ZNF213: variants seen among roughly 807,000 people sequenced by gnomAD.
ZNF213 encodes zinc finger protein 213, also known as putative transcription factor CR53.
A neutral mutation model predicts 46.0 loss-of-function variants in ZNF213; 32 were observed. The observed-to-expected ratio is 0.70, with a 90% CI of 0.52 to 0.93. The LOEUF is 0.93. Among genes scored for constraint, ZNF213 ranks in the 40% least tolerant of loss-of-function variants. The pLI is 0.00. For synonymous variants in ZNF213, 297 were observed against 271.0 expected (o/e 1.10, Z -0.94); for missense variants, 639 against 652.8 (o/e 0.98, Z 0.23).
chr16:3,139,286 C>T (rs924546905), intron 5 of ZNF213, 188 bp downstream of exon 5: 11 of 832,080 alleles, frequency 1.3e-5, no homozygotes, highest in African/African-American at 1.7e-5. Flanking sequence ...CATGGGACGG[C>T]GCCGGCGCTG....
rs1199335568 is a variant in ZNF213 at position 3,138,730 on chromosome 16, A to G, written c.524-15A>G. On this transcript the variant is annotated splice_polypyrimidine_tract_variant and intron_variant, in intron 3 of 5. Transcript: ENST00000396878. Reference sequence around the variant, plus strand: ...CCTGGGCTGGCCTTTCTAAGGCTCCATTCTTCTCCTTCAGCCCAGCCTCCT... The same window carrying G: ...CCTGGGCTGGCCTTTCTAAGGCTCCGTTCTTCTCCTTCAGCCCAGCCTCCT... The G allele has an allele frequency of 1.2e-6, 2 of 1,614,028 alleles. No individual in the cohort carries two copies. The highest frequency in any genetic ancestry group is 1.7e-5 in the Admixed American group (1 of 60,018).
intron 2 of ZNF213, 100 bp downstream of exon 2, chr16:3,137,779 GGGGAGACACAGAGCCCCCA>G: frequency 6.9e-7 from 1 of 1,440,536 alleles, no homozygotes; most frequent in Non-Finnish European, 9.3e-7. Flanking sequence ...TCACAGGGTA[GGGGAGACACAGAGCCCCCA>G]GGAGCAGGCA....
In ZNF213 at chr16:3,137,475, G is replaced by A; in HGVS notation, c.195G>A (p.Gln65=). 1.9e-6 allele frequency: 3 copies of A among 1,613,940 alleles called. No homozygotes were observed. The highest frequency in any genetic ancestry group is 2.5e-6 in the Non-Finnish European group (3 of 1,180,048). Reference sequence around the variant, plus strand: ...ATGGGCCTCATGAGGCCTTCAGCCAGCTCTGGGAGCTCTGCTGCCGCTGGC... The same window carrying A: ...ATGGGCCTCATGAGGCCTTCAGCCAACTCTGGGAGCTCTGCTGCCGCTGGC... The part of the protein sequence containing the change: ...DVHGPHEAFS[Q]LWELCCRWLR... The change falls in exon 2 of 6, where the codon CAG becomes CAA. Residue 65 remains glutamine (Q), a synonymous_variant. Coordinates refer to ENST00000396878, the MANE Select transcript of ZNF213 (RefSeq NM_004220.3).
rs777035817 is a variant in ZNF213 at position 3,137,619 on chromosome 16, T to G, written c.339T>G (p.Gly113=). 2 of 1,613,560 alleles carry G rather than the reference T, an allele frequency of 1.2e-6. No homozygotes were observed. The highest frequency in any genetic ancestry group is 1.7e-6 in the Non-Finnish European group (2 of 1,179,890). Residue 113 remains glycine, a synonymous_variant, in exon 2 of 6, where the codon GGT becomes GGG. Transcript: ENST00000396878. ...GWVREQHPGS[G]EEAVALVEDL... ...TGCGTGAGCAGCACCCGGGAAGCGG[T>G]GAGGAGGCTGTCGCCTTGGTGGAGG...
chr16:3,136,071 T>C (rs963253929), intron 1 of ZNF213, among the ~76,000 whole-genome samples: 2 of 152,072 alleles, frequency 1.3e-5, no homozygotes, highest in African/African-American at 4.8e-5. Flanking sequence ...CCTCAAGCAA[T>C]CATCCTGTGT....
At position 3,138,980 on chromosome 16, in the gene ZNF213, T is replaced by C; in HGVS notation, c.603T>C (p.Pro201=). ...GTCTTCTCACCCCATTCCAGGGACC[T>C]GTGGCATTGGGAGACATCCCATTCT... ...DTCFVSGVHG[P]VALGDIPFYF... is the part of the protein sequence containing the mutation. The change falls in exon 5 of 6, where the codon CCT becomes CCC. Residue 201 remains proline, a synonymous_variant. Transcript: ENST00000396878. The C allele has an allele frequency of 6.2e-7, 1 of 1,614,204 alleles. No individual in the cohort carries two copies. The highest frequency in any genetic ancestry group is 8.5e-7 in the Non-Finnish European group (1 of 1,180,016).
At chr16:3,135,930 C>T (rs1957531740) in intron 1 of ZNF213, among the ~76,000 whole-genome samples, 1 of 151,294 alleles carries the variant, frequency 6.6e-6, no homozygotes. Context: ...CCTCAAACTC[C>T]TGGACTCAAG....
intron 2 of ZNF213, 49 bp downstream of exon 2, chr16:3,137,728 G>C: frequency 6.3e-7 from 1 of 1,584,812 alleles, no homozygotes; most frequent in Non-Finnish European, 8.6e-7. Flanking sequence ...ATCTGAGCTC[G>C]AGAGAAGTGG....
chr16:3,138,707 T>G, intron 3 of ZNF213, 38 bp from the exon 4 acceptor site: 1 of 1,613,530 alleles, frequency 6.2e-7, no homozygotes, highest in Non-Finnish European at 8.5e-7. Flanking sequence ...GTGTCAAGCC[T>G]GGGCTGGCCT....
Position 3,139,082 on chromosome 16 carries a change from C to A in ZNF213, c.705C>A (p.Ser235=). Residue 235 remains serine (S), a synonymous_variant, in exon 5 of 6, where the codon TCC becomes TCA. Coordinates refer to ENST00000396878, the MANE Select transcript of ZNF213 (RefSeq NM_004220.3). ...DLFWDIKREN[S]RNTTLGFGLK... is the part of the protein sequence containing the mutation. ...TCTGGGACATAAAGCGGGAGAACTCCCGGAACACCACCCTGGGTAAGCACC... is the reference window on the plus strand; with the variant it reads ...TCTGGGACATAAAGCGGGAGAACTCACGGAACACCACCCTGGGTAAGCACC... The A allele has an allele frequency of 6.2e-7, 1 of 1,613,896 alleles. No individual in the cohort carries two copies. The highest frequency in any genetic ancestry group is 8.5e-7 in the Non-Finnish European group (1 of 1,179,984).
chr16:3,139,140 A>C (rs774953145), intron 5 of ZNF213, 42 bp downstream of exon 5: 1 of 1,603,344 alleles, frequency 6.2e-7, no homozygotes, highest in South Asian at 1.1e-5. Flanking sequence ...GCCGCCCCCG[A>C]TTCTGCTGGA....
chr16:3,138,462 ATCCCAGGCCACGGGGCC>A lies in ZNF213; in HGVS notation c.449_465del (p.Gln150ProfsTer19). 6.2e-7 allele frequency: 1 copy of A among 1,613,070 alleles called. No individual in the cohort carries two copies. The highest frequency in any genetic ancestry group is 8.5e-7 in the Non-Finnish European group (1 of 1,179,590). ...CGGAACCCGAGGCTGCAGGCCGGGG[ATCCCAGGCCACGGGGCC>A]TCCCCCGACGGTGGGGGCACGGAGG... On this transcript the variant is annotated frameshift_variant, in exon 3 of 6. Transcript: ENST00000396878. LOFTEE classifies it high-confidence loss of function.
rs1957548856 is a variant in ZNF213, at chr16:3,137,208, C to T, written c.-73C>T. ...CCAGCCCAGCTACCACAGGGGATCC[C>T]TCTGGGAGACTGAAAGTACAGGTTC... On this transcript the variant is annotated 5_prime_UTR_variant, in exon 2 of 6. Transcript: ENST00000396878. 6.6e-7 allele frequency: 1 copy of T among 1,514,038 alleles called. No homozygotes were observed. The allele number at this position is 1,514,038 out of a possible 1,614,324, so 93.8% of individuals were successfully genotyped here. A position where few individuals can be genotyped will look rare whatever the true frequency, so the allele number is the denominator to read the frequency against.
At chr16:3,138,269 C>T (rs1567185102) in intron 2 of ZNF213, 149 bp from the exon 3 acceptor site, 2 of 1,447,468 alleles carry the variant, frequency 1.4e-6, no homozygotes, top group Middle Eastern at 2.5e-4. Context: ...ATCACATTCT[C>T]CTCCGGACTT....
rs1957518383 is a variant in ZNF213, at chr16:3,135,081, A to T, written c.-422A>T. On this transcript the variant is annotated 5_prime_UTR_variant, in exon 1 of 6. Transcript: ENST00000396878. ...GCGGAAGTGGGATCTCCTGGGCCGT[A>T]GTGGGCGTTGTGTGTTTCGGGGGCG... 2 of 81,824 alleles carry T rather than the reference A, an allele frequency of 2.4e-5. No individual in the cohort carries two copies. Among genetic ancestry groups the T allele is most frequent in the African/African-American group, 5.0e-5 (1 of 20,054 alleles). 5.1% of individuals were successfully genotyped at this position (81,824 alleles called of 1,614,324 possible).
chr16:3,137,976 T>G (rs1596306466), intron 2 of ZNF213: 1 of 502,688 alleles, frequency 2.0e-6, no homozygotes. Flanking sequence ...CATTTTGCTC[T>G]AGGCCTGGCT....
chr16:3,135,281 ACGCCCCTGTACGATCGCCGCT>A lies in ZNF213; in HGVS notation c.-215_-195del, dbSNP rs1957521960. 1 of 152,226 alleles carries A rather than the reference ACGCCCCTGTACGATCGCCGCT, an allele frequency of 6.6e-6. No homozygotes were observed. Among genetic ancestry groups the A allele is most frequent in the African/African-American group, 2.4e-5 (1 of 41,400 alleles). 9.4% of individuals were successfully genotyped at this position (152,226 alleles called of 1,614,324 possible). ...CTCTGCCAGCTTGGTCCCCCGGCAG[ACGCCCCTGTACGATCGCCGCT>A]CGCCCCGCGGGCGAGGCTGCGGTGG... On this transcript the variant is annotated 5_prime_UTR_variant, in exon 1 of 6. Transcript: ENST00000396878.
chr16:3,137,688 C>A lies in ZNF213; in HGVS notation c.399+9C>A, dbSNP rs745390921. On this transcript the variant is annotated intron_variant, in intron 2 of 5. Transcript: ENST00000396878. ...TGAAAGCCTGGCGACAGGTGAGGGG[C>A]CCTTCCACATCCAGGGGCACCTGGA... 17 of 1,612,206 alleles carry A rather than the reference C, an allele frequency of 1.1e-5. No homozygotes were observed. The African/African-American group carries it at 2.1e-4, about 20-fold the overall frequency.
chr16:3,137,404 G>T lies in ZNF213; in HGVS notation c.124G>T (p.Glu42Ter). The change falls in exon 2 of 6, where the codon GAA (glutamate) becomes TAA (stop). Residue 42 changes from glutamate to a stop codon, truncating the protein, a stop_gained. Coordinates refer to ENST00000396878, the MANE Select transcript of ZNF213 (RefSeq NM_004220.3). LOFTEE classifies it high-confidence loss of function. ...SAQHEDGRDS[E>*]ACRQRFRQFC... ...CCAGCATGAGGATGGCAGGGATTCC[G>T]AAGCCTGCCGCCAGCGCTTCCGGCA... is the stretch of plus-strand genomic sequence containing the variant. 1 of 1,613,952 alleles carries T rather than the reference G, an allele frequency of 6.2e-7. No homozygotes were observed. The highest frequency in any genetic ancestry group is 8.5e-7 in the Non-Finnish European group (1 of 1,180,034).
Sources: allele counts gnomAD v4.1 joint callset (sites outside exome capture counted in the v4.1 genomes callset), GRCh38; gene constraint gnomAD v4.1.1; transcripts MANE v1.5; gene names NCBI Gene and HGNC (gene_info 2026-07-23, HGNC 2026-07-21).